Variants in SOX6 observed in about 807,000 individuals in gnomAD.
SOX6 encodes SRY-box transcription factor 6.
Under a neutral mutation model 97.8 loss-of-function variants are expected in SOX6, and 11 were observed. The ratio of observed to expected loss-of-function variants is 0.11; its 90% CI spans 0.07 to 0.19. The LOEUF (loss-of-function observed/expected upper bound fraction) is 0.19, where lower values mean the gene tolerates loss of function less well. Ranked by LOEUF, SOX6 falls within the 10% of genes least tolerant of loss-of-function variation. SOX6 has a pLI of 1.00. For synonymous variants in SOX6, 360 were observed against 371.4 expected, an observed-to-expected ratio of 0.97 and a Z score of 0.35; for missense variants, 810 against 1,039.5, an observed-to-expected ratio of 0.78 and a Z score of 3.04.
At chr11:16,704,289 T>C (rs992229107) in intron 3 of SOX6, among the ~76,000 whole-genome samples, 4 of 152,208 alleles carry the variant, frequency 2.6e-5, no homozygotes, top group Non-Finnish European at 5.9e-5. Flanking sequence ...GTGCAAAGTA[T>C]TGTAACAAAT....
At chr11:16,524,320 C>G (rs1861119692) in intron 4 of SOX6, among the ~76,000 whole-genome samples, 1 of 151,054 alleles carries the variant, frequency 6.6e-6, no homozygotes, top group Non-Finnish European at 1.5e-5. Flanking sequence ...AAGGCTGGTT[C>G]AATATACGCA....
intron 3 of SOX6, among the ~76,000 whole-genome samples, chr11:16,698,791 G>A (rs1229684612): frequency 6.6e-6 from 1 of 152,180 alleles, no homozygotes; most frequent in Non-Finnish European, 1.5e-5. Context: ...CTGGCTGGTA[G>A]AGCAGTTAGA....
chr11:16,654,248 A>AG (rs1341369009), intron 3 of SOX6, among the ~76,000 whole-genome samples: 2 of 152,102 alleles, frequency 1.3e-5, no homozygotes, highest in African/African-American at 4.8e-5. Context: ...ATATCACTGT[A>AG]GGCTTGACCT....
rs1017202950 is a variant in SOX6 at position 16,410,463 on chromosome 11, A to G, written c.-5+65852T>C. ...GTTACATTAAATTCGTTTTTAAAAG[A>G]TATGAGCAAGGGGCCAGGCATGATG... On this transcript the variant is annotated intron_variant, in intron 1 of 15. Transcript: ENST00000396356. Among the ~76,000 whole-genome samples the G allele has an allele frequency of 2.0e-4, 30 of 152,232 alleles. 1 individual carries two copies. Among genetic ancestry groups the G allele is most frequent in the African/African-American group, 7.0e-4 (29 of 41,542 alleles).
At chr11:16,569,066 T>C (rs1847909178) in intron 4 of SOX6, among the ~76,000 whole-genome samples, 2 of 152,200 alleles carry the variant, frequency 1.3e-5, no homozygotes, top group Admixed American at 1.3e-4. Flanking sequence ...TTGAAGAGCA[T>C]TATCAAATTA....
At chr11:16,662,848 C>T (rs886838725) in intron 3 of SOX6, among the ~76,000 whole-genome samples, 3 of 152,094 alleles carry the variant, frequency 2.0e-5, no homozygotes, top group Non-Finnish European at 2.9e-5. Flanking sequence ...CACTTGCCAT[C>T]ACGCCTGGCT....
chr11:16,622,174 T>C (rs1848553820), intron 3 of SOX6, among the ~76,000 whole-genome samples: 1 of 152,220 alleles, frequency 6.6e-6, no homozygotes, highest in Non-Finnish European at 1.5e-5. Context: ...CCAAAGGCAA[T>C]CACTGTCAAG....
chr11:16,229,944 G>A (rs1205696009), intron 4 of SOX6, among the ~76,000 whole-genome samples: 1 of 151,578 alleles, frequency 6.6e-6, no homozygotes, highest in Non-Finnish European at 1.5e-5. Flanking sequence ...TATAAACATG[G>A]AAAACTCTAA....
intron 4 of SOX6, among the ~76,000 whole-genome samples, chr11:16,524,057 G>T (rs1230912219): frequency 1.3e-5 from 2 of 152,128 alleles, no homozygotes; most frequent in African/African-American, 4.8e-5. Flanking sequence ...GTACAAGGAG[G>T]AACTGGTACC....
intron 4 of SOX6, among the ~76,000 whole-genome samples, chr11:16,502,955 A>G (rs1043051454): frequency 6.6e-6 from 1 of 152,216 alleles, no homozygotes; most frequent in Non-Finnish European, 1.5e-5. Flanking sequence ...GAATTAAAAC[A>G]GCAAGAGAAA....
At chr11:16,476,427 TA>T (rs1164784699), upstream of SOX6, 1 of 152,242 alleles carries the variant, frequency 6.6e-6, no homozygotes, top group African/African-American at 2.4e-5. Context: ...AAAGGATAAG[TA>T]AATTGCATTT....
intron 3 of SOX6, among the ~76,000 whole-genome samples, chr11:16,288,219 C>A (rs1854809020): frequency 6.6e-6 from 1 of 151,860 alleles, no homozygotes; most frequent in Admixed American, 6.6e-5. Flanking sequence ...TATACAATTT[C>A]TTCAAACCCT....
chr11:16,382,978 G>T (rs1380505490), intron 1 of SOX6, among the ~76,000 whole-genome samples: 2 of 151,788 alleles, frequency 1.3e-5, no homozygotes, highest in East Asian at 1.9e-4. Context: ...TGGATAATTT[G>T]AAGTATACAT....
At chr11:16,140,294 T>C (rs1208374673) in intron 6 of SOX6, among the ~76,000 whole-genome samples, 1 of 152,160 alleles carries the variant, frequency 6.6e-6, no homozygotes, top group Non-Finnish European at 1.5e-5. Flanking sequence ...GCATTTCAAC[T>C]GAATGAGAAA....
intron 3 of SOX6, among the ~76,000 whole-genome samples, chr11:16,637,866 G>A (rs957985755): frequency 2.0e-5 from 3 of 151,814 alleles, no homozygotes; most frequent in Non-Finnish European, 4.4e-5. Flanking sequence ...GGCCTGGAAG[G>A]AAAAATGTTT....
chr11:16,119,954 C>G (rs1849447218), intron 6 of SOX6, among the ~76,000 whole-genome samples: 1 of 152,106 alleles, frequency 6.6e-6, no homozygotes, highest in Non-Finnish European at 1.5e-5. Flanking sequence ...TTTTCTAGAG[C>G]ATTTGAGAAC....
intron 4 of SOX6, among the ~76,000 whole-genome samples, chr11:16,219,900 G>A (rs1565028282): frequency 6.6e-6 from 1 of 151,926 alleles, no homozygotes. Flanking sequence ...CCTATAAATA[G>A]CATGGAGATG....
intron 1 of SOX6, among the ~76,000 whole-genome samples, chr11:16,387,929 T>C (rs920111288): frequency 1.3e-5 from 2 of 152,100 alleles, no homozygotes; most frequent in African/African-American, 4.8e-5. Flanking sequence ...TATTATACTA[T>C]TTGCTTTCTT....
At chr11:16,573,634 C>T (rs552305442) in intron 4 of SOX6, among the ~76,000 whole-genome samples, 3 of 152,206 alleles carry the variant, frequency 2.0e-5, no homozygotes, top group South Asian at 2.1e-4. Context: ...GGGGAAAAAA[C>T]GAAACTAAAA....
Sources: gnomAD v4.1 joint callset for allele counts (sites outside exome capture counted in the v4.1 genomes callset) on GRCh38, gnomAD v4.1.1 for gene constraint, MANE v1.5 for transcripts, NCBI Gene and HGNC (gene_info 2026-07-23, HGNC 2026-07-21) for gene names.